GDPD1: variants seen among roughly 807,000 people sequenced by gnomAD.
GDPD1 encodes lysophospholipase D GDPD1.
Under a neutral mutation model 45.1 loss-of-function variants are expected in GDPD1, and 28 were observed. The observed-to-expected ratio is 0.62, with a 90% confidence interval of 0.46 to 0.85. The LOEUF (loss-of-function observed/expected upper bound fraction) is 0.85, where lower values mean the gene tolerates loss of function less well. Ranked by LOEUF, GDPD1 falls within the 40% of genes least tolerant of loss-of-function variation. GDPD1 has a pLI of 0.00. For synonymous variants in GDPD1, 139 were observed against 131.4 expected (o/e 1.06, Z -0.40); for missense variants, 256 against 364.8 (o/e 0.70, Z 2.43).
intron 9 of GDPD1, 141 bp downstream of exon 9, chr17:59,272,977 T>C: frequency 6.5e-7 from 1 of 1,547,618 alleles, no homozygotes; most frequent in South Asian, 1.2e-5. Context: ...ATGAGGACCT[T>C]AAGCTCTTCC....
chr17:59,268,706 A>T lies in GDPD1; in HGVS notation c.710+1532A>T, dbSNP rs183036961. Among the ~76,000 whole-genome samples, 335 of 152,258 alleles carry T rather than the reference A, an allele frequency of 2.2e-3. 1 individual carries two copies. Among genetic ancestry groups the T allele is most frequent in the Admixed American group, 2.0e-3 (31 of 15,272 alleles). ...AATAAAGGTAATGACTTGGGGGAAA[A>T]AAATAAAGCTGAACGTTAGTGTAGC... On this transcript the variant is annotated intron_variant, in intron 7 of 9. Coordinates refer to ENST00000284116, the MANE Select transcript of GDPD1 (RefSeq NM_182569.4).
chr17:59,273,925 ATATAT>A lies in GDPD1; in HGVS notation c.*158_*162del. Reference sequence around the variant, plus strand: ...AAGCCTGTATGAGAATGTAGAAACTATATATTATATGTATATTTATTTTAAATAAT... The same window carrying A: ...AAGCCTGTATGAGAATGTAGAAACTATATATGTATATTTATTTTAAATAAT... On this transcript the variant is annotated 3_prime_UTR_variant, in exon 10 of 10. Transcript: ENST00000284116. 1 of 856,336 alleles carries A rather than the reference ATATAT, an allele frequency of 1.2e-6. No homozygotes were observed. The highest frequency in any genetic ancestry group is 1.5e-6 in the Non-Finnish European group (1 of 684,852). 53.0% of individuals were successfully genotyped at this position (856,336 alleles called of 1,614,324 possible).
intron 2 of GDPD1, among the ~76,000 whole-genome samples, chr17:59,240,415 A>G (rs1390052030): frequency 6.6e-6 from 1 of 152,126 alleles, no homozygotes; most frequent in East Asian, 1.9e-4. Context: ...ATTACGAAAG[A>G]GTCAAGTTTT....
At chr17:59,255,784 T>TATATATATATATATAC (rs1215280964) in intron 4 of GDPD1, among the ~76,000 whole-genome samples, 69 of 57,972 alleles carry the variant, frequency 1.2e-3, no homozygotes, top group African/African-American at 1.4e-3. Flanking sequence ...TATATATATA[T>TATATATATATATATAC]ACGCGTATAT....
intron 2 of GDPD1, among the ~76,000 whole-genome samples, chr17:59,236,473 A>G (rs1386485707): frequency 6.6e-6 from 1 of 151,768 alleles, no homozygotes; most frequent in East Asian, 1.9e-4. Flanking sequence ...CCTCTTTCAC[A>G]TGCTATTTTT....
At position 59,273,717 on chromosome 17, in the gene GDPD1, G is replaced by A. The variant is rs2047460146; in HGVS notation, c.889G>A (p.Val297Met). The A allele has an allele frequency of 6.3e-7, 1 of 1,597,686 alleles. No homozygotes were observed. The highest frequency in any genetic ancestry group is 8.5e-7 in the Non-Finnish European group (1 of 1,170,698). Residue 297 changes from valine to methionine, a missense_variant, in exon 10 of 10, where the codon GTG (valine) becomes ATG (methionine). Transcript: ENST00000284116. ...AGCTTTTGATTTGGGAGCAACTGGG[G>A]TGATGACAGACTATCCAACAAAGCT... is the stretch of plus-strand genomic sequence containing the variant. The part of the protein sequence containing the change: ...KRAFDLGATG[V>M]MTDYPTKLRD...
chr17:59,238,557 GC>G (rs1709391635), intron 2 of GDPD1, among the ~76,000 whole-genome samples: 1 of 151,758 alleles, frequency 6.6e-6, no homozygotes, highest in Non-Finnish European at 1.5e-5. Context: ...GGGACTACAG[GC>G]GCATGCCAGC....
In GDPD1 at chr17:59,257,226, G is replaced by T. The variant is rs747664375; in HGVS notation, c.472G>T (p.Val158Leu). The T allele has an allele frequency of 6.3e-7, 1 of 1,577,800 alleles. No individual in the cohort carries two copies. The highest frequency in any genetic ancestry group is 1.2e-5 in the South Asian group (1 of 86,114). Residue 158 changes from valine to leucine, a missense_variant, in exon 5 of 10, where the codon GTG (valine) becomes TTG (leucine). Physicochemically the swap from Val to Leu is conservative, Grantham distance 32. Transcript: ENST00000284116. ...CATCGATATCAAAGTCAACAACAAT[G>T]TGCTGATTAAGAAGGTACTCAAGGC... ...INIDIKVNNN[V>L]LIKKVSELVK...
At chr17:59,263,994 A>G (rs548685899) in intron 6 of GDPD1, among the ~76,000 whole-genome samples, 1 of 151,656 alleles carries the variant, frequency 6.6e-6, no homozygotes, top group Non-Finnish European at 1.5e-5. Context: ...TTTTTAATTT[A>G]ATTTTATTTT....
At chr17:59,221,445 CAATAAATAAATAAATA>C (rs71145536) in intron 1 of GDPD1, among the ~76,000 whole-genome samples, 14 of 135,428 alleles carry the variant, frequency 1.0e-4, no homozygotes, top group South Asian at 2.4e-4. Context: ...TTGAACACTG[CAATAAATAAATAAATA>C]AATAAATAAA....
At chr17:59,251,110 TAAC>T (rs1464979020) in intron 4 of GDPD1, among the ~76,000 whole-genome samples, 1 of 152,194 alleles carries the variant, frequency 6.6e-6, no homozygotes, top group Non-Finnish European at 1.5e-5. Flanking sequence ...CAATTTCATA[TAAC>T]AAGGAAATAA....
chr17:59,226,681 T>TTG (rs1389102874), intron 1 of GDPD1, among the ~76,000 whole-genome samples: 14 of 151,624 alleles, frequency 9.2e-5, no homozygotes, highest in Non-Finnish European at 2.1e-4. Context: ...GCAGTACCTT[T>TTG]TGTGTGTGTG....
intron 2 of GDPD1, among the ~76,000 whole-genome samples, chr17:59,242,191 T>G (rs952267870): frequency 6.6e-6 from 1 of 152,074 alleles, no homozygotes; most frequent in Non-Finnish European, 1.5e-5. Context: ...GCCTTCCGAG[T>G]AGCTGGGATT....
chr17:59,241,734 C>T (rs183005822), intron 2 of GDPD1, among the ~76,000 whole-genome samples: 4 of 152,000 alleles, frequency 2.6e-5, no homozygotes, highest in Non-Finnish European at 4.4e-5. Context: ...TTCGAGACCA[C>T]TCTGGCCACA....
intron 9 of GDPD1, 115 bp downstream of exon 9, chr17:59,272,951 C>T: frequency 6.3e-7 from 1 of 1,590,732 alleles, no homozygotes; most frequent in Non-Finnish European, 8.5e-7. Context: ...GATGCTGCTG[C>T]TTTACTGATC....
chr17:59,261,643 A>C (rs2047356315), intron 6 of GDPD1, among the ~76,000 whole-genome samples: 1 of 151,282 alleles, frequency 6.6e-6, no homozygotes, highest in South Asian at 2.1e-4. Flanking sequence ...CTACAGGTGC[A>C]TGCCATCATG....
intron 2 of GDPD1, among the ~76,000 whole-genome samples, chr17:59,244,932 G>A (rs1296896967): frequency 6.6e-6 from 1 of 152,062 alleles, no homozygotes; most frequent in African/African-American, 2.4e-5. Context: ...GGAGTTTGAG[G>A]ATGCAATGAG....
At chr17:59,242,955 T>C (rs770645012) in intron 2 of GDPD1, among the ~76,000 whole-genome samples, 2 of 152,018 alleles carry the variant, frequency 1.3e-5, no homozygotes, top group African/African-American at 2.4e-5. Flanking sequence ...TCCCAGCACT[T>C]TGGGAAGCAG....
chr17:59,257,892 C>T, intron 6 of GDPD1, 52 bp downstream of exon 6: 1 of 1,191,920 alleles, frequency 8.4e-7, no homozygotes, highest in Non-Finnish European at 1.2e-6. Context: ...TGTTTTGTAT[C>T]TACAAATGAT....
Sources: gnomAD v4.1 joint callset for allele counts (sites outside exome capture counted in the v4.1 genomes callset) on GRCh38, gnomAD v4.1.1 for gene constraint, MANE v1.5 for transcripts, NCBI Gene and HGNC (gene_info 2026-07-23, HGNC 2026-07-21) for gene names.